Variants in THADA observed in about 807,000 individuals in gnomAD.
THADA encodes the protein tRNA (32-2'-O)-methyltransferase regulator THADA.
THADA carries 213 observed loss-of-function variants against 219.8 expected under a neutral mutation model. The observed-to-expected ratio is 0.97, with a 90% CI of 0.87 to 1.09. The LOEUF is 1.09. THADA is among the 50% of genes least tolerant of loss of function. The probability of loss-of-function intolerance (pLI) is 0.00; values close to 1 mark genes in which losing one functional copy is unlikely to be tolerated. For synonymous variants in THADA, 1,018 were observed against 828.9 expected (o/e 1.23, Z -3.92); for missense variants, 2,956 against 2,311.3 (o/e 1.28, Z -5.72).
At chr2:43,402,010 T>A (rs999833161) in intron 28 of THADA, among the ~76,000 whole-genome samples, 1 of 152,028 alleles carries the variant, frequency 6.6e-6, no homozygotes, top group Non-Finnish European at 1.5e-5. Context: ...ATGGACTCTC[T>A]CACAAGAGGA....
intron 36 of THADA, among the ~76,000 whole-genome samples, chr2:43,240,040 C>T (rs537417611): frequency 1.5e-4 from 23 of 152,286 alleles, no homozygotes; most frequent in Admixed American, 5.9e-4. Flanking sequence ...CAGTCGAAGA[C>T]GGTGTGTGAC....
At chr2:43,459,452 C>G (rs1004500785) in intron 26 of THADA, among the ~76,000 whole-genome samples, 4 of 152,144 alleles carry the variant, frequency 2.6e-5, no homozygotes, top group Non-Finnish European at 4.4e-5. Flanking sequence ...CTATGTCAGG[C>G]ACTGCTCTAG....
chr2:43,515,109 T>TATA, intron 22 of THADA, among the ~76,000 whole-genome samples: 1 of 32,386 alleles, frequency 3.1e-5, no homozygotes, highest in South Asian at 1.1e-3. Context: ...ATATAATATA[T>TATA]TTTATATATA....
intron 29 of THADA, among the ~76,000 whole-genome samples, chr2:43,349,192 G>C (rs1667975241): frequency 6.6e-6 from 1 of 152,228 alleles, no homozygotes; most frequent in Non-Finnish European, 1.5e-5. Flanking sequence ...ATGCACTGCA[G>C]GAGGGTGTCA....
intron 4 of THADA, among the ~76,000 whole-genome samples, chr2:43,590,501 C>T (rs1239486596): frequency 6.6e-6 from 1 of 151,902 alleles, no homozygotes. Context: ...ATGGTGAAAC[C>T]ACATCTCTAC....
Position 43,574,384 on chromosome 2 carries a change from A to G in THADA, c.1681T>C (p.Leu561=), listed in dbSNP as rs937856473. ...PKLLSYSPES[L]QYMVKILQTS... The stretch of plus-strand genomic sequence containing the variant: ...TGAAGAATCTTTACCATGTACTGTA[A>G]GCTTTCAGGGCTGTAACTTAATAAT... The change falls in exon 11 of 38, where the codon TTA becomes CTA. Residue 561 remains leucine, a synonymous_variant. Coordinates refer to ENST00000405975, the MANE Select transcript of THADA (RefSeq NM_022065.5). 1 of 1,607,056 alleles carries G rather than the reference A, an allele frequency of 6.2e-7. No individual in the cohort carries two copies. The highest frequency in any genetic ancestry group is 8.5e-7 in the Non-Finnish European group (1 of 1,176,738).
chr2:43,486,388 T>C (rs149638236), intron 25 of THADA: 1 of 152,158 alleles, frequency 6.6e-6, no homozygotes, highest in Non-Finnish European at 1.5e-5. Flanking sequence ...CACTATAGGC[T>C]TCCTCAATTA....
chr2:43,253,213 A>C (rs1049933548), intron 36 of THADA, among the ~76,000 whole-genome samples: 32 of 152,204 alleles, frequency 2.1e-4, no homozygotes, highest in African/African-American at 7.7e-4. Flanking sequence ...GAGAAGGAGA[A>C]CCTGAAGACG....
chr2:43,436,871 G>C (rs1396017917), intron 26 of THADA, among the ~76,000 whole-genome samples: 5 of 152,116 alleles, frequency 3.3e-5, no homozygotes, highest in Admixed American at 3.3e-4. Context: ...GTGAAAGCAG[G>C]CATTAACTCT....
intron 23 of THADA, among the ~76,000 whole-genome samples, chr2:43,507,577 T>C (rs1385428237): frequency 1.3e-5 from 2 of 152,172 alleles, no homozygotes; most frequent in African/African-American, 4.8e-5. Context: ...CAACAACCTC[T>C]GCAACTGATG....
At chr2:43,385,131 ACT>A (rs1415572560) in intron 29 of THADA, among the ~76,000 whole-genome samples, 1 of 152,076 alleles carries the variant, frequency 6.6e-6, no homozygotes, top group East Asian at 1.9e-4. Flanking sequence ...ACAAAGTGAG[ACT>A]CTGTCTCAAA....
intron 29 of THADA, among the ~76,000 whole-genome samples, chr2:43,352,927 T>G (rs200194716): frequency 6.0e-4 from 91 of 152,228 alleles, no homozygotes; most frequent in African/African-American, 2.1e-3. Flanking sequence ...TAACCATGAG[T>G]TTATTCTCCC....
chr2:43,511,520 C>T (rs1298586110), intron 22 of THADA, among the ~76,000 whole-genome samples: 1 of 152,154 alleles, frequency 6.6e-6, no homozygotes, highest in Non-Finnish European at 1.5e-5. Context: ...TCAAACTCTC[C>T]TAGCTTGAAA....
chr2:43,430,311 G>T lies in THADA; in HGVS notation c.3837-9C>A. The T allele has an allele frequency of 6.7e-7, 1 of 1,493,644 alleles. No homozygotes were observed. Among genetic ancestry groups the T allele is most frequent in the Non-Finnish European group, 9.0e-7 (1 of 1,108,466 alleles). 92.5% of individuals were successfully genotyped at this position (1,493,644 alleles called of 1,614,324 possible). On this transcript the variant is annotated splice_polypyrimidine_tract_variant and intron_variant, in intron 26 of 37. Transcript: ENST00000405975. ...ACTCTCTCCCTGTCATTCTGTGAAA[G>T]AAGGAGGAAAAAATTTATTATCATT...
At chr2:43,478,723 C>T (rs7609003) in intron 26 of THADA, among the ~76,000 whole-genome samples, 1 of 152,074 alleles carries the variant, frequency 6.6e-6, no homozygotes, top group Non-Finnish European at 1.5e-5. Context: ...AAGATTACTT[C>T]GTCCACGTAA....
chr2:43,353,039 C>A (rs936150049), intron 29 of THADA, among the ~76,000 whole-genome samples: 4 of 152,180 alleles, frequency 2.6e-5, no homozygotes, highest in Non-Finnish European at 5.9e-5. Context: ...AGCAAAGTGT[C>A]CTCCTGGTCC....
chr2:43,589,576 A>T (rs183506757), intron 4 of THADA, among the ~76,000 whole-genome samples: 1 of 152,338 alleles, frequency 6.6e-6, no homozygotes, highest in Admixed American at 6.5e-5. Context: ...TGTACACTTA[A>T]AAATGGTTAA....
intron 31 of THADA, among the ~76,000 whole-genome samples, chr2:43,308,186 A>G (rs759269561): frequency 9.9e-5 from 15 of 152,014 alleles, no homozygotes; most frequent in Non-Finnish European, 1.6e-4. Context: ...GAGACCCTGT[A>G]TCATTCTTTT....
At chr2:43,457,165 CACACACACACACACACACAT>C (rs1400533438) in intron 26 of THADA, among the ~76,000 whole-genome samples, 2 of 120,182 alleles carry the variant, frequency 1.7e-5, no homozygotes, top group African/African-American at 3.4e-5. Context: ...CACACACACA[CACACACACACACACACACAT>C]GCACAGTGAG....
Sources: allele counts gnomAD v4.1 joint callset (sites outside exome capture counted in the v4.1 genomes callset), GRCh38; gene constraint gnomAD v4.1.1; transcripts MANE v1.5; gene names NCBI Gene and HGNC (gene_info 2026-07-23, HGNC 2026-07-21).